The following GNAI1 variants were observed in gnomAD, a reference collection of about 807,000 sequenced individuals.
The protein encoded by GNAI1 is guanine nucleotide-binding protein G(i) subunit alpha-1.
A neutral mutation model predicts 38.9 loss-of-function variants in GNAI1; 11 were observed. The observed-to-expected ratio is 0.28, with a 90% CI of 0.18 to 0.47. GNAI1 has a LOEUF of 0.47. GNAI1 is among the 20% of genes least tolerant of loss of function. GNAI1 has a pLI of 0.99. For synonymous variants in GNAI1, 166 were observed against 145.1 expected (o/e 1.14, Z -1.04); for missense variants, 317 against 436.9 (o/e 0.73, Z 2.45).
chr7:80,156,058 A>AG (rs1244473502), intron 1 of GNAI1, among the ~76,000 whole-genome samples: 5 of 151,466 alleles, frequency 3.3e-5, no homozygotes, highest in African/African-American at 1.2e-4. Flanking sequence ...AAAAAAAAAA[A>AG]AAAAAGAAAG....
chr7:80,199,514 A>G (rs1186852690), intron 4 of GNAI1, 132 bp downstream of exon 4: 3 of 647,478 alleles, frequency 4.6e-6, no homozygotes, highest in Non-Finnish European at 7.7e-6. Context: ...GGATGACAAT[A>G]TTTTAAAACT....
intron 1 of GNAI1, among the ~76,000 whole-genome samples, chr7:80,176,799 G>T (rs1788188350): frequency 6.6e-6 from 1 of 151,432 alleles, no homozygotes; most frequent in Non-Finnish European, 1.5e-5. Flanking sequence ...TTAGCCAGGG[G>T]TGGTGACAGG....
At chr7:80,164,587 C>A (rs914818041) in intron 1 of GNAI1, among the ~76,000 whole-genome samples, 1 of 152,106 alleles carries the variant, frequency 6.6e-6, no homozygotes, top group Non-Finnish European at 1.5e-5. Flanking sequence ...TGGTCTTGAT[C>A]TCCTGACCTC....
chr7:80,139,123 C>T (rs1787477088), intron 1 of GNAI1, among the ~76,000 whole-genome samples: 2 of 150,442 alleles, frequency 1.3e-5, no homozygotes, highest in South Asian at 2.1e-4. Context: ...TTGTGTGCTT[C>T]TTTCTCATGG....
rs571117818 is a variant in GNAI1 at position 80,217,535 on chromosome 7, G to A, written c.*42G>A. The A allele has an allele frequency of 8.7e-7, 1 of 1,155,392 alleles. No homozygotes were observed. Among genetic ancestry groups the A allele is most frequent in the Non-Finnish European group, 1.3e-6 (1 of 794,242 alleles). The allele number at this position is 1,155,392 out of a possible 1,614,324, so 71.6% of individuals were successfully genotyped here. On this transcript the variant is annotated 3_prime_UTR_variant, in exon 8 of 8. Coordinates refer to ENST00000649796, the MANE Select transcript of GNAI1 (RefSeq NM_002069.6). Reference sequence around the variant, plus strand: ...TAAAATGCATTTTCAAACCAAATGAGTACTTATATATGGATCTCTGTAGAC... The same window carrying A: ...TAAAATGCATTTTCAAACCAAATGAATACTTATATATGGATCTCTGTAGAC...
intron 1 of GNAI1, among the ~76,000 whole-genome samples, chr7:80,164,364 T>C: frequency 1.3e-5 from 2 of 150,262 alleles, no homozygotes; most frequent in African/African-American, 2.5e-5. Flanking sequence ...CTTGCTTTCC[T>C]TTTTTTCTTT....
At chr7:80,161,860 A>T (rs923530804) in intron 1 of GNAI1, among the ~76,000 whole-genome samples, 5 of 152,170 alleles carry the variant, frequency 3.3e-5, no homozygotes, top group Non-Finnish European at 7.3e-5. Flanking sequence ...ATTGAAAGTC[A>T]CTGGAAAGAT....
intron 1 of GNAI1, chr7:80,187,603 T>C (rs2115627103): frequency 6.6e-6 from 1 of 152,274 alleles, no homozygotes; most frequent in East Asian, 1.9e-4. Flanking sequence ...TGTTCAGTAA[T>C]GCTGAACATG....
rs1050761001 is a variant in GNAI1 at position 80,218,274 on chromosome 7, T to C, written c.*781T>C. 7.9e-5 allele frequency: 12 copies of C among 152,190 alleles called. No homozygotes were observed. Among genetic ancestry groups the C allele is most frequent in the African/African-American group, 2.7e-4 (11 of 41,476 alleles). The allele number at this position is 152,190 out of a possible 1,614,324, so 9.4% of individuals were successfully genotyped here. On this transcript the variant is annotated 3_prime_UTR_variant, in exon 8 of 8. Coordinates refer to ENST00000649796, the MANE Select transcript of GNAI1 (RefSeq NM_002069.6). The stretch of plus-strand genomic sequence containing the variant: ...CTGAGGATATACTGTCTTAGACTTA[T>C]TGTACACACTTAGTTTTTATTCACT...
chr7:80,153,328 G>C (rs956282676), intron 1 of GNAI1, among the ~76,000 whole-genome samples: 7 of 152,004 alleles, frequency 4.6e-5, no homozygotes, highest in African/African-American at 1.5e-4. Context: ...ATTATACAAT[G>C]TGCATCTTAA....
intron 1 of GNAI1, among the ~76,000 whole-genome samples, chr7:80,151,832 G>T (rs1313319466): frequency 1.3e-5 from 2 of 152,134 alleles, no homozygotes; most frequent in African/African-American, 2.4e-5. Flanking sequence ...GAGGAGTTTC[G>T]TGGCAAAAGA....
intron 1 of GNAI1, among the ~76,000 whole-genome samples, chr7:80,155,427 G>T (rs1490691853): frequency 6.6e-6 from 1 of 152,108 alleles, no homozygotes; most frequent in African/African-American, 2.4e-5. Context: ...CCTCTGTAAG[G>T]TCTATAATAT....
chr7:80,210,922 C>T, intron 5 of GNAI1, 47 bp from the exon 6 acceptor site: 1 of 1,572,806 alleles, frequency 6.4e-7, no homozygotes, highest in Non-Finnish European at 8.7e-7. Flanking sequence ...CTTCTCAGAG[C>T]TTTTTGAACA....
chr7:80,152,198 T>C (rs1407327020), intron 1 of GNAI1, among the ~76,000 whole-genome samples: 1 of 152,234 alleles, frequency 6.6e-6, no homozygotes, highest in Non-Finnish European at 1.5e-5. Context: ...CGTCTCCTTC[T>C]ATACTGCCTC....
chr7:80,189,195 G>A lies in GNAI1; in HGVS notation c.267G>A (p.Gly89=). 1 of 1,610,910 alleles carries A rather than the reference G, an allele frequency of 6.2e-7. No homozygotes were observed. Among genetic ancestry groups the A allele is most frequent in the Non-Finnish European group, 8.5e-7 (1 of 1,179,076 alleles). ...QSIIAIIRAM[G]RLKIDFGDSA... is the part of the protein sequence containing the mutation. ...TTATTGCTATCATTAGGGCTATGGG[G>A]AGGTTGAAGATAGACTTTGGTGACT... The change falls in exon 3 of 8, where the codon GGG becomes GGA. Residue 89 remains glycine (G), a synonymous_variant. Transcript: ENST00000649796.
intron 5 of GNAI1, 89 bp from the exon 6 acceptor site, chr7:80,210,880 T>G: frequency 4.5e-6 from 5 of 1,103,092 alleles, no homozygotes; most frequent in Non-Finnish European, 5.3e-6. Flanking sequence ...TTTCCACAAC[T>G]ATTCAGAGCT....
At chr7:80,157,643 TGTA>T (rs1436336463) in intron 1 of GNAI1, among the ~76,000 whole-genome samples, 1 of 152,178 alleles carries the variant, frequency 6.6e-6, no homozygotes, top group Non-Finnish European at 1.5e-5. Flanking sequence ...CTAATAAATG[TGTA>T]GTGGTATCTC....
chr7:80,173,327 G>A (rs1788127635), intron 1 of GNAI1, among the ~76,000 whole-genome samples: 2 of 152,082 alleles, frequency 1.3e-5, no homozygotes, highest in Non-Finnish European at 2.9e-5. Flanking sequence ...GTATGTTTTA[G>A]TAGGATTAGA....
chr7:80,160,436 C>T (rs909477302), intron 1 of GNAI1, among the ~76,000 whole-genome samples: 3 of 151,816 alleles, frequency 2.0e-5, no homozygotes, highest in Non-Finnish European at 4.4e-5. Context: ...AGGTGGCTTC[C>T]ATATATCTAG....
Sources: allele counts gnomAD v4.1 joint callset (sites outside exome capture counted in the v4.1 genomes callset), GRCh38; gene constraint gnomAD v4.1.1; transcripts MANE v1.5; gene names NCBI Gene and HGNC (gene_info 2026-07-23, HGNC 2026-07-21).